Variants in ZBTB1 observed in about 807,000 individuals in gnomAD.
ZBTB1 encodes zinc finger and BTB domain-containing protein 1.
ZBTB1 carries 13 observed loss-of-function variants against 51.6 expected under a neutral mutation model. The ratio of observed to expected loss-of-function variants is 0.25; its 90% CI spans 0.16 to 0.40. The LOEUF is 0.40. Ranked by LOEUF, ZBTB1 falls within the 10% of genes least tolerant of loss-of-function variation. ZBTB1 has a pLI of 1.00. For missense variants in ZBTB1, 567 were observed against 856.5 expected, an observed-to-expected ratio of 0.66 and a Z score of 4.22; for synonymous variants, 240 against 282.2, an observed-to-expected ratio of 0.85 and a Z score of 1.50.
At chr14:64,527,171 G>A (rs2079909598), downstream of ZBTB1, among the ~76,000 whole-genome samples, 2 of 151,466 alleles carry the variant, frequency 1.3e-5, no homozygotes, top group Non-Finnish European at 2.9e-5. Flanking sequence ...AAAAAAAAAA[G>A]TTTGCTAGAG....
downstream of ZBTB1, among the ~76,000 whole-genome samples, chr14:64,528,005 T>C (rs1405506088): frequency 6.6e-6 from 1 of 152,098 alleles, no homozygotes; most frequent in African/African-American, 2.4e-5. Flanking sequence ...GAAAAAGTAA[T>C]TGAGATATTA....
At chr14:64,507,483 C>G (rs1016917814) in intron 1 of ZBTB1, among the ~76,000 whole-genome samples, 1 of 152,074 alleles carries the variant, frequency 6.6e-6, no homozygotes, top group Non-Finnish European at 1.5e-5. Context: ...GAGATAATCA[C>G]CATGTACAGT....
chr14:64,529,454 C>T (rs185350585), downstream of ZBTB1, among the ~76,000 whole-genome samples: 1 of 152,114 alleles, frequency 6.6e-6, no homozygotes, highest in Admixed American at 6.5e-5. Context: ...CTCTTTTTGC[C>T]TTAACAGATT....
At chr14:64,520,928 C>T (rs1483229880) in intron 1 of ZBTB1, among the ~76,000 whole-genome samples, 7 of 151,152 alleles carry the variant, frequency 4.6e-5, no homozygotes, top group South Asian at 2.1e-4. Context: ...AGTGGCGTGA[C>T]GCAACTCACT....
chr14:64,531,407 T>G (rs2079941218), intron 2 of ZBTB1, among the ~76,000 whole-genome samples: 1 of 152,128 alleles, frequency 6.6e-6, no homozygotes, highest in Non-Finnish European at 1.5e-5. Context: ...GCGTGTATGC[T>G]TCATTTTCAT....
In ZBTB1 at chr14:64,515,633, G is replaced by T. The variant is rs976058547; in HGVS notation, c.-18-5854G>T. Among the ~76,000 whole-genome samples, 3 of 150,458 alleles carry T rather than the reference G, an allele frequency of 2.0e-5. No homozygotes were observed. The South Asian group carries it at 6.3e-4, about 32-fold the overall frequency. On this transcript the variant is annotated intron_variant, in intron 1 of 1. Transcript: ENST00000683701. ...CCTCCCGAGTTCCCGCCATTCTCCC[G>T]CCTCAGCCTCCCAAGTAGCTGGGAA...
chr14:64,514,349 A>G (rs757816133), intron 1 of ZBTB1: 4 of 152,232 alleles, frequency 2.6e-5, no homozygotes, highest in Non-Finnish European at 5.9e-5. Context: ...GGCTAAGCGA[A>G]TCATCTTCAA....
rs2079618107 is a variant in ZBTB1 at position 64,504,964 on chromosome 14, G to A, written c.-19+18G>A. The A allele has an allele frequency of 2.5e-6, 1 of 393,124 alleles. No individual in the cohort carries two copies. Among genetic ancestry groups the A allele is most frequent in the African/African-American group, 2.1e-5 (1 of 48,332 alleles). The allele number at this position is 393,124 out of a possible 1,614,324, so 24.4% of individuals were successfully genotyped here. A position where few individuals can be genotyped will look rare whatever the true frequency, so the allele number is the denominator to read the frequency against. On this transcript the variant is annotated intron_variant, in intron 1 of 1. Coordinates refer to ENST00000683701, the MANE Select transcript of ZBTB1 (RefSeq NM_001123329.2). ...TGCGGCCGGTAAGTATTTGCCAGTTGTGGGGCTATTTGCGCAACTTTGGCC... is the reference window on the plus strand; with the variant it reads ...TGCGGCCGGTAAGTATTTGCCAGTTATGGGGCTATTTGCGCAACTTTGGCC...
Position 64,523,357 on chromosome 14 carries a change from A to G in ZBTB1, c.1853A>G (p.Glu618Gly). The change falls in exon 2 of 2, where the codon GAG becomes GGG. Residue 618 changes from glutamate to glycine, a missense_variant. Coordinates refer to ENST00000683701, the MANE Select transcript of ZBTB1 (RefSeq NM_001123329.2). This position sits in a 1 kb window ranked among gnomAD's most constrained non-coding sequence, Gnocchi z 4.5. ...CQTCGKQFLR[E>G]RQLRLHNDMH... ...ACATGTGGAAAGCAGTTTTTAAGAGAGCGTCAGTTGCGACTGCACAATGAT... is the reference window on the plus strand; with the variant it reads ...ACATGTGGAAAGCAGTTTTTAAGAGGGCGTCAGTTGCGACTGCACAATGAT... The G allele has an allele frequency of 6.2e-7, 1 of 1,614,196 alleles. No homozygotes were observed. The highest frequency in any genetic ancestry group is 8.5e-7 in the Non-Finnish European group (1 of 1,180,024).
chr14:64,527,739 T>C (rs894170013), downstream of ZBTB1, among the ~76,000 whole-genome samples: 1 of 152,066 alleles, frequency 6.6e-6, no homozygotes, highest in Non-Finnish European at 1.5e-5. Context: ...GCCACAGCAC[T>C]CCAGCCTGGG....
At chr14:64,514,899 A>G (rs1312921666) in intron 1 of ZBTB1, among the ~76,000 whole-genome samples, 2 of 152,190 alleles carry the variant, frequency 1.3e-5, no homozygotes, top group East Asian at 1.9e-4. Flanking sequence ...AGTTAACTAT[A>G]CCCTGATACA....
downstream of ZBTB1, among the ~76,000 whole-genome samples, chr14:64,529,364 A>G (rs1275592006): frequency 6.6e-6 from 1 of 152,170 alleles, no homozygotes; most frequent in Non-Finnish European, 1.5e-5. Context: ...ATTGGTTATA[A>G]GACTGTTGAG....
upstream of ZBTB1, chr14:64,503,954 G>C (rs575530514): frequency 1.3e-5 from 2 of 152,294 alleles, no homozygotes; most frequent in Admixed American, 1.3e-4. Context: ...CGCCGCCACA[G>C]TTCGCAGTTG....
At chr14:64,508,761 T>C (rs1363496002) in intron 1 of ZBTB1, among the ~76,000 whole-genome samples, 2 of 152,212 alleles carry the variant, frequency 1.3e-5, no homozygotes, top group African/African-American at 4.8e-5. Context: ...TTCCAACCAC[T>C]ATATAAAAGT....
chr14:64,514,943 A>G (rs1446044140), intron 1 of ZBTB1, among the ~76,000 whole-genome samples: 1 of 152,250 alleles, frequency 6.6e-6, no homozygotes, highest in Non-Finnish European at 1.5e-5. Context: ...TCTATGGAAT[A>G]AGAATGTTAG....
intron 1 of ZBTB1, among the ~76,000 whole-genome samples, chr14:64,509,397 CCAAA>C (rs1489941239): frequency 6.6e-6 from 1 of 151,882 alleles, no homozygotes; most frequent in South Asian, 2.1e-4. Flanking sequence ...AAAAGAAGTC[CCAAA>C]CAGAGTGAGC....
chr14:64,513,783 C>T (rs1226496362), intron 1 of ZBTB1, among the ~76,000 whole-genome samples: 1 of 152,186 alleles, frequency 6.6e-6, no homozygotes, highest in Non-Finnish European at 1.5e-5. Context: ...GCCTCAGCCC[C>T]CCAAGTAGCT....
chr14:64,520,644 T>C (rs2079850717), intron 1 of ZBTB1, among the ~76,000 whole-genome samples: 1 of 152,226 alleles, frequency 6.6e-6, no homozygotes, highest in Non-Finnish European at 1.5e-5. Context: ...ATCTCAGATG[T>C]ATCATTTCAT....
intron 1 of ZBTB1, among the ~76,000 whole-genome samples, chr14:64,521,202 C>G (rs916451117): frequency 1.3e-5 from 2 of 152,052 alleles, no homozygotes; most frequent in Non-Finnish European, 2.9e-5. Flanking sequence ...TTTTTCTGTT[C>G]AAATTTAGTG....
Sources: gnomAD v4.1 joint callset for allele counts (sites outside exome capture counted in the v4.1 genomes callset) on GRCh38, gnomAD v4.1.1 for gene constraint, Gnocchi (gnomAD v3.1) non-coding constraint, MANE v1.5 for transcripts, NCBI Gene and HGNC (gene_info 2026-07-23, HGNC 2026-07-21) for gene names.